The following STOX2 variants were observed in gnomAD, a reference collection of about 807,000 sequenced individuals.
STOX2 encodes the protein storkhead-box protein 2.
In STOX2, 28 loss-of-function variants were observed where a neutral mutation model predicts 60.9. The ratio of observed to expected loss-of-function variants is 0.46; its 90% CI spans 0.34 to 0.63. The LOEUF is 0.63. STOX2 is among the 30% of genes least tolerant of loss of function. The probability of loss-of-function intolerance (pLI) is 0.01; values close to 1 mark genes in which losing one functional copy is unlikely to be tolerated. For missense variants in STOX2, 1,024 were observed against 1,187.7 expected (o/e 0.86, Z 2.03); for synonymous variants, 472 against 463.9 (o/e 1.02, Z -0.22).
At chr4:183,921,555 A>G (rs1488457522) in intron 1 of STOX2, among the ~76,000 whole-genome samples, 4 of 152,204 alleles carry the variant, frequency 2.6e-5, no homozygotes, top group Non-Finnish European at 5.9e-5. Context: ...AACCCATGGC[A>G]ACCCAGTGAA....
chr4:184,000,446 A>G (rs1314033807), intron 1 of STOX2, among the ~76,000 whole-genome samples: 2 of 152,010 alleles, frequency 1.3e-5, no homozygotes, highest in East Asian at 1.9e-4. Flanking sequence ...CCTCCCAGCC[A>G]TCATCCCCAC....
At chr4:183,952,400 A>G (rs113269613) in intron 1 of STOX2, among the ~76,000 whole-genome samples, 1 of 152,364 alleles carries the variant, frequency 6.6e-6, no homozygotes, top group Non-Finnish European at 1.5e-5. Flanking sequence ...GAACTCAACT[A>G]TGTGATTCTT....
chr4:183,967,137 C>T (rs1206004382), intron 1 of STOX2, among the ~76,000 whole-genome samples: 6 of 151,926 alleles, frequency 3.9e-5, no homozygotes, highest in South Asian at 2.1e-4. Flanking sequence ...CCGAGGTGGG[C>T]GGATCACCTG....
At chr4:183,968,166 G>T (rs1743632413) in intron 1 of STOX2, among the ~76,000 whole-genome samples, 1 of 151,976 alleles carries the variant, frequency 6.6e-6, no homozygotes, top group South Asian at 2.1e-4. Flanking sequence ...TAATCCAAGG[G>T]TTGTCACACT....
intron 1 of STOX2, among the ~76,000 whole-genome samples, chr4:183,952,440 T>C (rs1292906716): frequency 6.6e-6 from 1 of 152,280 alleles, no homozygotes; most frequent in Non-Finnish European, 1.5e-5. Flanking sequence ...CTCACAAATA[T>C]ATTTAGATTC....
chr4:183,913,392 G>T (rs1357862451), intron 1 of STOX2, among the ~76,000 whole-genome samples: 1 of 152,146 alleles, frequency 6.6e-6, no homozygotes, highest in Non-Finnish European at 1.5e-5. Flanking sequence ...ATAGATGCAT[G>T]TTGTGAACGT....
intron 1 of STOX2, among the ~76,000 whole-genome samples, chr4:183,954,589 G>A (rs1486661681): frequency 2.7e-5 from 4 of 150,302 alleles, no homozygotes; most frequent in East Asian, 4.0e-4. Flanking sequence ...CGCCAAGCCC[G>A]CTTTTGTTTT....
In STOX2 at chr4:183,965,790, C is replaced by T. The variant is rs114800039; in HGVS notation, c.167-35535C>T. Reference sequence around the variant, plus strand: ...GAAAACCTAAAGCAAAAGAAAGGAACGGATTTAGAGACATCCAGAGAGTGA... The same window carrying T: ...GAAAACCTAAAGCAAAAGAAAGGAATGGATTTAGAGACATCCAGAGAGTGA... On this transcript the variant is annotated intron_variant, in intron 1 of 3. Transcript: ENST00000308497. Among the ~76,000 whole-genome samples, 1,262 of 152,004 alleles carry T rather than the reference C, an allele frequency of 8.3e-3. 16 individuals carry two copies. The highest frequency in any genetic ancestry group is 0.029 in the African/African-American group (1,192 of 41,452).
intron 1 of STOX2, among the ~76,000 whole-genome samples, chr4:183,850,932 GGATGAGGGAAAGGAT>G (rs1740107425): frequency 8.4e-6 from 1 of 118,848 alleles, no homozygotes; most frequent in South Asian, 3.0e-4. Flanking sequence ...ATGAGGGAAA[GGATGAGGGAAAGGAT>G]GAGGGAAACG....
intron 1 of STOX2, among the ~76,000 whole-genome samples, chr4:183,851,211 A>T (rs1328171768): frequency 2.8e-5 from 2 of 71,666 alleles, no homozygotes; most frequent in African/African-American, 5.3e-5. Context: ...AAACGATGGA[A>T]AGGATGAGAG....
At chr4:183,928,218 CG>C (rs3042579) in intron 1 of STOX2, among the ~76,000 whole-genome samples, 21,277 of 151,776 alleles carry the variant, frequency 0.14, 1,608 homozygotes, top group Admixed American at 0.18. Flanking sequence ...GGGGAGCCCT[CG>C]GGGGGGGGCA....
chr4:183,994,121 C>T (rs1363155366), intron 1 of STOX2, among the ~76,000 whole-genome samples: 2 of 152,190 alleles, frequency 1.3e-5, no homozygotes, highest in African/African-American at 4.8e-5. Flanking sequence ...CGGGTGATTT[C>T]CCCAAGCCCA....
At chr4:183,815,226 G>A (rs531332274) in intron 1 of STOX2, among the ~76,000 whole-genome samples, 41 of 151,854 alleles carry the variant, frequency 2.7e-4, no homozygotes, top group African/African-American at 9.2e-4. Context: ...CAACTCAAGC[G>A]ATCCTCCCGT....
chr4:183,911,619 A>G (rs376160646), intron 1 of STOX2, among the ~76,000 whole-genome samples: 3 of 152,230 alleles, frequency 2.0e-5, no homozygotes, highest in African/African-American at 7.2e-5. Flanking sequence ...TTTATTTGAA[A>G]AAAAGGAATA....
intron 1 of STOX2, among the ~76,000 whole-genome samples, chr4:183,810,979 C>T (rs577156172): frequency 3.2e-4 from 48 of 151,320 alleles, no homozygotes; most frequent in Non-Finnish European, 6.6e-4. Context: ...TCAGACAGCA[C>T]GTCGGGGGTG....
chr4:183,866,238 A>G (rs1168656748), intron 1 of STOX2, among the ~76,000 whole-genome samples: 7 of 152,148 alleles, frequency 4.6e-5, no homozygotes. Context: ...GCTTATTTCA[A>G]GAAGATAAGC....
At chr4:183,915,971 C>T (rs1741920784) in intron 1 of STOX2, among the ~76,000 whole-genome samples, 1 of 152,268 alleles carries the variant, frequency 6.6e-6, no homozygotes, top group Non-Finnish European at 1.5e-5. Context: ...TGGCAGGCAG[C>T]GCCCGCATTC....
intron 2 of STOX2, among the ~76,000 whole-genome samples, chr4:184,002,165 T>G (rs1047447041): frequency 1.3e-5 from 2 of 152,194 alleles, no homozygotes; most frequent in African/African-American, 2.4e-5. Context: ...TCTGGAAATT[T>G]GGTCTTATGT....
chr4:183,816,679 T>C (rs1739161870), intron 1 of STOX2, among the ~76,000 whole-genome samples: 1 of 152,172 alleles, frequency 6.6e-6, no homozygotes, highest in Admixed American at 6.5e-5. Flanking sequence ...ATTTAAATGG[T>C]GAAGTGTATT....
Sources: gnomAD v4.1 joint callset for allele counts (sites outside exome capture counted in the v4.1 genomes callset) on GRCh38, gnomAD v4.1.1 for gene constraint, MANE v1.5 for transcripts, NCBI Gene and HGNC (gene_info 2026-07-23, HGNC 2026-07-21) for gene names.